The following ZNF536 variants were observed in gnomAD, a reference collection of about 807,000 sequenced individuals.
ZNF536 encodes the protein zinc finger protein 536.
ZNF536 carries 13 observed loss-of-function variants against 84.5 expected under a neutral mutation model. The observed-to-expected ratio is 0.15, with a 90% CI of 0.10 to 0.24. ZNF536 has a LOEUF of 0.24. Ranked by LOEUF, ZNF536 falls within the 10% of genes least tolerant of loss-of-function variation. ZNF536 has a pLI of 1.00. For synonymous variants in ZNF536, 811 were observed against 742.5 expected (o/e 1.09, Z -1.50); for missense variants, 1,536 against 1,747.5 (o/e 0.88, Z 2.16).
At position 30,475,158 on chromosome 19, in the gene ZNF536, G is replaced by A. The variant is rs145847782; in HGVS notation, c.2170+29426G>A. Reference sequence around the variant, plus strand: ...TGCAGTGGCACAATCTCAGCTCACTGCAACCTTCGTCTCCCAGGTTCAAGC... The same window carrying A: ...TGCAGTGGCACAATCTCAGCTCACTACAACCTTCGTCTCCCAGGTTCAAGC... On this transcript the variant is annotated intron_variant, in intron 2 of 4. Transcript: ENST00000355537. Among the ~76,000 whole-genome samples the A allele has an allele frequency of 8.3e-3, 1,260 of 152,214 alleles. 8 individuals carry two copies. Among genetic ancestry groups the A allele is most frequent in the South Asian group, 0.02 (98 of 4,822 alleles).
chr19:30,466,560 TAGAA>T lies in ZNF536; in HGVS notation c.2170+20852_2170+20855del, dbSNP rs753514602. 3.2e-3 allele frequency among the ~76,000 whole-genome samples: 374 copies of T among 116,682 alleles called. 1 individual carries two copies. The highest frequency in any genetic ancestry group is 0.013 in the African/African-American group (311 of 24,740). The allele number at this position is 116,682 out of a possible 152,430, so 76.5% of individuals were successfully genotyped here. A position where few individuals can be genotyped will look rare whatever the true frequency, so the allele number is the denominator to read the frequency against. ...CTTTGGTGACAGAGTGAAACCCTGT[TAGAA>T]AGAAAGAAAGAAAGAAAGAAAGAGA... On this transcript the variant is annotated intron_variant, in intron 2 of 4. Coordinates refer to ENST00000355537, the MANE Select transcript of ZNF536 (RefSeq NM_014717.3).
At chr19:30,338,555 T>C (rs1176654847) in intron 2 of ZNF536, among the ~76,000 whole-genome samples, 1 of 152,112 alleles carries the variant, frequency 6.6e-6, no homozygotes, top group Non-Finnish European at 1.5e-5. Flanking sequence ...CCTTGTGGTA[T>C]AGTGGCTAAA....
chr19:30,320,739 G>A (rs1600209980), intron 2 of ZNF536, among the ~76,000 whole-genome samples: 1 of 152,130 alleles, frequency 6.6e-6, no homozygotes, highest in South Asian at 2.1e-4. Context: ...TTATCCAAAC[G>A]ATTTCCAGAT....
intron 1 of ZNF536, among the ~76,000 whole-genome samples, chr19:30,393,977 G>A (rs2049706862): frequency 6.6e-6 from 1 of 152,152 alleles, no homozygotes; most frequent in Admixed American, 6.5e-5. Flanking sequence ...TGTGTGGGAA[G>A]AGCTGCCTTT....
intron 2 of ZNF536, among the ~76,000 whole-genome samples, chr19:30,471,840 T>A (rs2053646927): frequency 6.6e-6 from 1 of 152,254 alleles, no homozygotes; most frequent in Non-Finnish European, 1.5e-5. Context: ...AATTTTTTTT[T>A]AAATGCTACT....
chr19:30,597,014 T>G (rs1045234549), intron 1 of ZNF536, among the ~76,000 whole-genome samples: 2 of 152,228 alleles, frequency 1.3e-5, no homozygotes, highest in African/African-American at 4.8e-5. Flanking sequence ...TGAGGCTTTC[T>G]GGCTTCCTGT....
At chr19:30,517,933 G>A (rs781202251) in intron 2 of ZNF536, among the ~76,000 whole-genome samples, 1 of 152,162 alleles carries the variant, frequency 6.6e-6, no homozygotes, top group Non-Finnish European at 1.5e-5. Flanking sequence ...AATAGGAAAG[G>A]ACTTGGGCGA....
Position 30,566,568 on chromosome 19 carries a change from C to T in ZNF536, c.169+17054C>T, listed in dbSNP as rs74902966. Among the ~76,000 whole-genome samples, 13 of 152,376 alleles carry T rather than the reference C, an allele frequency of 8.5e-5. No individual in the cohort carries two copies. In the East Asian group the frequency reaches 1.7e-3, roughly 20 times the overall value. ...GCATCTTGTCACACCTAAGATCACT[C>T]GCATGTAAACAACGGGGCTGAGATT... is the stretch of plus-strand genomic sequence containing the variant. On this transcript the variant is annotated intron_variant, in intron 1 of 1. Transcript: ENST00000592773.
Position 30,253,456 on chromosome 19 carries a change from G to A in ZNF536, c.-190+24783G>A, listed in dbSNP as rs559079748. ...AGTGTGGAGCAGTATTTCGGGGCCA[G>A]AGACACGCGTTCTGTCATCAGGGCT... On this transcript the variant is annotated intron_variant, in intron 1 of 5. Coordinates refer to the ZNF536 transcript ENST00000585628. Among the ~76,000 whole-genome samples, 120 of 152,342 alleles carry A rather than the reference G, an allele frequency of 7.9e-4. No individual in the cohort carries two copies. In the South Asian group the frequency reaches 0.013, roughly 17 times the overall value.
At chr19:30,585,345 T>C (rs1017761983) in intron 1 of ZNF536, among the ~76,000 whole-genome samples, 1 of 152,068 alleles carries the variant, frequency 6.6e-6, no homozygotes, top group Non-Finnish European at 1.5e-5. Context: ...CAGAGTAGAT[T>C]CTCAAAATAT....
At chr19:30,638,934 G>A (rs1325811066) in intron 1 of ZNF536, among the ~76,000 whole-genome samples, 1 of 152,164 alleles carries the variant, frequency 6.6e-6, no homozygotes, top group Non-Finnish European at 1.5e-5. Context: ...ACAATTTCCA[G>A]TTGATTTCTT....
At chr19:30,338,284 C>A (rs111067321) in intron 2 of ZNF536, among the ~76,000 whole-genome samples, 1 of 150,452 alleles carries the variant, frequency 6.6e-6, no homozygotes, top group Admixed American at 6.6e-5. Flanking sequence ...ATGGTGATGA[C>A]AATGATAATA....
At chr19:30,350,649 C>G (rs2047902835) in intron 2 of ZNF536, among the ~76,000 whole-genome samples, 2 of 152,104 alleles carry the variant, frequency 1.3e-5, no homozygotes. Context: ...AAAATCTAAT[C>G]AGATTTATAA....
At chr19:30,569,452 C>T (rs186141662) in intron 1 of ZNF536, among the ~76,000 whole-genome samples, 1 of 151,254 alleles carries the variant, frequency 6.6e-6, no homozygotes, top group African/African-American at 2.4e-5. Flanking sequence ...TGTGCCCTTT[C>T]CTGTGGGGGC....
chr19:30,462,303 AGTGT>A lies in ZNF536; in HGVS notation c.2170+16592_2170+16595del, dbSNP rs772183721. On this transcript the variant is annotated intron_variant, in intron 2 of 4. Transcript: ENST00000355537. ...CTTTTCTTGTGATTTTGTGTGTGTG[AGTGT>A]GTGTGTGTGTGTGTGTGTGTTGAAT... Among the ~76,000 whole-genome samples, 235 of 109,608 alleles carry A rather than the reference AGTGT, an allele frequency of 2.1e-3. 1 individual carries two copies. The highest frequency in any genetic ancestry group is 0.015 in the Admixed American group (157 of 10,732). The allele number at this position is 109,608 out of a possible 152,430, so 71.9% of individuals were successfully genotyped here.
At chr19:30,613,021 C>T (rs1041273815) in intron 1 of ZNF536, among the ~76,000 whole-genome samples, 1 of 152,134 alleles carries the variant, frequency 6.6e-6, no homozygotes, top group African/African-American at 2.4e-5. Flanking sequence ...TGGAGAAAAA[C>T]GCTCAGTTTG....
At chr19:30,648,265 C>T (rs2049553241) in intron 1 of ZNF536, among the ~76,000 whole-genome samples, 3 of 152,210 alleles carry the variant, frequency 2.0e-5, no homozygotes, top group South Asian at 2.1e-4. Flanking sequence ...CCTGCGGCCG[C>T]GTGGAAGCCT....
intron 1 of ZNF536, among the ~76,000 whole-genome samples, chr19:30,637,167 C>A (rs1049988835): frequency 1.3e-5 from 2 of 152,166 alleles, no homozygotes; most frequent in African/African-American, 4.8e-5. Flanking sequence ...CCATACTGAC[C>A]CACATCTGGA....
intron 1 of ZNF536, among the ~76,000 whole-genome samples, chr19:30,399,386 G>T (rs968472086): frequency 6.6e-6 from 1 of 152,024 alleles, no homozygotes; most frequent in Non-Finnish European, 1.5e-5. Flanking sequence ...TCTGATGATA[G>T]TTTCTTTTGC....
Sources: allele counts gnomAD v4.1 joint callset (sites outside exome capture counted in the v4.1 genomes callset), GRCh38; gene constraint gnomAD v4.1.1; transcripts MANE v1.5; gene names NCBI Gene and HGNC (gene_info 2026-07-23, HGNC 2026-07-21).